Variants in SRFBP1 observed in about 807,000 individuals in gnomAD.
SRFBP1 encodes serum response factor binding protein 1.
Under a neutral mutation model 45.5 loss-of-function variants are expected in SRFBP1, and 47 were observed. The ratio of observed to expected loss-of-function variants is 1.03; its 90% CI spans 0.82 to 1.32. SRFBP1 has a LOEUF of 1.32. Among genes scored for constraint, SRFBP1 ranks in the 40% most tolerant of loss-of-function variants. The pLI is 0.00. For missense variants in SRFBP1, 621 were observed against 484.6 expected, an observed-to-expected ratio of 1.28 and a Z score of -2.64; for synonymous variants, 203 against 166.3, an observed-to-expected ratio of 1.22 and a Z score of -1.70.
chr5:121,965,070 T>G (rs1484205531), intron 1 of SRFBP1, among the ~76,000 whole-genome samples: 1 of 152,214 alleles, frequency 6.6e-6, no homozygotes, highest in Non-Finnish European at 1.5e-5. Context: ...TTTAAGTTCT[T>G]TGTAGATTTT....
chr5:122,049,676 C>T (rs969034420), intron 2 of SRFBP1, among the ~76,000 whole-genome samples: 1 of 152,170 alleles, frequency 6.6e-6, no homozygotes, highest in Non-Finnish European at 1.5e-5. Context: ...AACAAACTGT[C>T]TCTCAGACCA....
chr5:122,021,441 A>T (rs1022373284), intron 6 of SRFBP1, among the ~76,000 whole-genome samples: 62 of 152,288 alleles, frequency 4.1e-4, no homozygotes, highest in Non-Finnish European at 4.4e-5. Context: ...ACAGCTATAA[A>T]CTGTTTTTGC....
intron 3 of SRFBP1, among the ~76,000 whole-genome samples, chr5:121,990,835 C>T (rs1279537601): frequency 6.6e-6 from 1 of 152,178 alleles, no homozygotes; most frequent in East Asian, 1.9e-4. Flanking sequence ...ATTGCCTGAC[C>T]ACGTTCTCAC....
intron 3 of SRFBP1, among the ~76,000 whole-genome samples, chr5:121,979,696 G>A (rs1249188466): frequency 6.6e-6 from 1 of 152,148 alleles, no homozygotes; most frequent in Non-Finnish European, 1.5e-5. Context: ...GAGAAGCAAG[G>A]AGAGAGATCT....
At chr5:122,068,398 G>A (rs981525764) in intron 2 of SRFBP1, among the ~76,000 whole-genome samples, 5 of 152,088 alleles carry the variant, frequency 3.3e-5, no homozygotes, top group Admixed American at 3.3e-4. Flanking sequence ...ATAGTTGGGA[G>A]TTACCAAACT....
intron 1 of SRFBP1, among the ~76,000 whole-genome samples, chr5:121,969,521 A>G (rs1332823424): frequency 6.6e-6 from 1 of 151,712 alleles, no homozygotes; most frequent in African/African-American, 2.4e-5. Context: ...TCTTTTCTCA[A>G]ATAGCTATAT....
At chr5:121,973,417 A>G (rs1466101695) in intron 1 of SRFBP1, among the ~76,000 whole-genome samples, 1 of 151,852 alleles carries the variant, frequency 6.6e-6, no homozygotes, top group East Asian at 1.9e-4. Context: ...TTTAAGATGT[A>G]TGCCTCGTAA....
chr5:121,963,989 A>G (rs972429171), intron 1 of SRFBP1, among the ~76,000 whole-genome samples: 1 of 152,226 alleles, frequency 6.6e-6, no homozygotes, highest in African/African-American at 2.4e-5. Flanking sequence ...TGCCCTTAAT[A>G]GGAAATACCT....
chr5:121,967,624 C>T (rs920828120), intron 1 of SRFBP1, among the ~76,000 whole-genome samples: 3 of 152,076 alleles, frequency 2.0e-5, no homozygotes, highest in Non-Finnish European at 4.4e-5. Context: ...CTTGAGCTCA[C>T]GAGTTTGAGA....
At chr5:122,033,593 C>T (rs1014155501), downstream of SRFBP1, among the ~76,000 whole-genome samples, 1 of 151,888 alleles carries the variant, frequency 6.6e-6, no homozygotes, top group Middle Eastern at 3.4e-3. Flanking sequence ...TCCCCGTTAG[C>T]TGGGATTACA....
chr5:122,061,738 C>T (rs1402491743), intron 2 of SRFBP1, among the ~76,000 whole-genome samples: 1 of 151,876 alleles, frequency 6.6e-6, no homozygotes, highest in African/African-American at 2.4e-5. Context: ...ATAGGAAAGA[C>T]ATATTTTTTT....
At position 121,972,500 on chromosome 5, in the gene SRFBP1, T is replaced by C. The variant is rs181476597; in HGVS notation, c.37-1696T>C. Among the ~76,000 whole-genome samples the C allele has an allele frequency of 1.4e-3, 208 of 151,918 alleles. 1 individual carries two copies. The highest frequency in any genetic ancestry group is 3.1e-3 in the South Asian group (15 of 4,822). ...CCACTTGAGGTTAATTATGATGAAT[T>C]TATAGTAGACAGAATGTTACAAGTA... On this transcript the variant is annotated intron_variant, in intron 1 of 7. Transcript: ENST00000339397.
chr5:121,965,373 G>T (rs1386488938), intron 1 of SRFBP1, among the ~76,000 whole-genome samples: 1 of 152,174 alleles, frequency 6.6e-6, no homozygotes, highest in African/African-American at 2.4e-5. Context: ...TGTATAAGGT[G>T]TAAGGAAGGG....
intron 2 of SRFBP1, chr5:122,074,254 C>T (rs1754549415): frequency 3.4e-6 from 4 of 1,185,630 alleles, no homozygotes. Context: ...CCCATGGCTT[C>T]ACAAATTTGT....
chr5:122,062,684 A>T (rs1754192686), intron 2 of SRFBP1, among the ~76,000 whole-genome samples: 1 of 152,002 alleles, frequency 6.6e-6, no homozygotes, highest in Admixed American at 6.6e-5. Context: ...AGACTCCTTA[A>T]GGATGAATTG....
intron 3 of SRFBP1, among the ~76,000 whole-genome samples, chr5:121,981,404 G>A (rs1209027738): frequency 2.0e-5 from 3 of 151,858 alleles, no homozygotes; most frequent in South Asian, 2.1e-4. Flanking sequence ...CTCTGGTCTC[G>A]CCTTCAAATC....
chr5:122,020,580 G>T lies in SRFBP1; in HGVS notation c.845G>T (p.Gly282Val). 2 of 1,613,960 alleles carry T rather than the reference G, an allele frequency of 1.2e-6. No individual in the cohort carries two copies. The highest frequency in any genetic ancestry group is 1.7e-6 in the Non-Finnish European group (2 of 1,179,948). The part of the protein sequence containing the change: ...QSSMSEDSDS[G>V]DDFFIGKVRR... ...TCCATGTCTGAAGATAGTGATAGCGGTGACGACTTCTTCATTGGGAAAGTC... is the reference window on the plus strand; with the variant it reads ...TCCATGTCTGAAGATAGTGATAGCGTTGACGACTTCTTCATTGGGAAAGTC... Residue 282 changes from glycine (G) to valine (V), a missense_variant, in exon 6 of 8, where the codon GGT (glycine) becomes GTT (valine). Coordinates refer to ENST00000339397, the MANE Select transcript of SRFBP1 (RefSeq NM_152546.3).
intron 3 of SRFBP1, among the ~76,000 whole-genome samples, chr5:121,984,577 T>A (rs10077959): frequency 0.031 from 4,721 of 151,858 alleles, 111 homozygotes; most frequent in Non-Finnish European, 0.047. Flanking sequence ...TAGCAGTATA[T>A]AATTTTTGTT....
chr5:121,998,585 C>T (rs1752785209), intron 4 of SRFBP1, among the ~76,000 whole-genome samples: 1 of 148,050 alleles, frequency 6.8e-6, no homozygotes, highest in Non-Finnish European at 1.5e-5. Flanking sequence ...TTAGTGGGTG[C>T]AGCGCACCAG....
Sources: allele counts gnomAD v4.1 joint callset (sites outside exome capture counted in the v4.1 genomes callset), GRCh38; gene constraint gnomAD v4.1.1; transcripts MANE v1.5; gene names NCBI Gene and HGNC (gene_info 2026-07-23, HGNC 2026-07-21).